ZNF469: variants seen among roughly 807,000 people sequenced by gnomAD.
ZNF469 encodes the protein zinc finger protein 469.
Under a neutral mutation model 1.0 loss-of-function variants are expected in ZNF469, and 1 was observed. That is an observed-to-expected ratio of 1.00 (90% CI 0.35 to 4.73). The LOEUF (loss-of-function observed/expected upper bound fraction) is 4.73. Among genes scored for constraint, ZNF469 ranks in the 30% most tolerant of loss-of-function variants. The pLI is 0.16. For synonymous variants in ZNF469, 2,703 were observed against 2,363.4 expected, an observed-to-expected ratio of 1.14 and a Z score of -4.17; for missense variants, 6,100 against 5,356.3, an observed-to-expected ratio of 1.14 and a Z score of -4.33.
chr16:88,130,339 T>A, the ZNF469 span, among the ~76,000 whole-genome samples: 6 of 152,180 alleles, frequency 3.9e-5, no homozygotes, highest in African/African-American at 1.2e-4. Flanking sequence ...CAAAACGTGA[T>A]ATCGGCGTCC....
chr16:88,396,298 C>T (rs1440845831), intron 1 of ZNF469, among the ~76,000 whole-genome samples: 4 of 152,280 alleles, frequency 2.6e-5, no homozygotes, highest in African/African-American at 9.6e-5. Context: ...TCTCCTGGCT[C>T]TGCTTTTCTG....
At chr16:88,126,816 G>A in the ZNF469 span, among the ~76,000 whole-genome samples, 122,423 of 150,054 alleles carry the variant, frequency 0.82, 50,575 homozygotes, top group Middle Eastern at 0.9. Flanking sequence ...ACCATACCCC[G>A]CTAATTCTTG....
the ZNF469 span, among the ~76,000 whole-genome samples, chr16:88,163,808 G>A: frequency 8.2e-4 from 125 of 152,014 alleles, no homozygotes; most frequent in African/African-American, 2.9e-3. Flanking sequence ...TTGATGAGTG[G>A]ATGGGTGGCT....
chr16:88,198,195 G>A, the ZNF469 span, among the ~76,000 whole-genome samples: 28 of 152,218 alleles, frequency 1.8e-4, no homozygotes, highest in Admixed American at 4.6e-4. Flanking sequence ...GGTGAGATGC[G>A]TGACAGAAGG....
chr16:88,273,013 G>A, the ZNF469 span, among the ~76,000 whole-genome samples: 1 of 150,996 alleles, frequency 6.6e-6, no homozygotes, highest in African/African-American at 2.5e-5. Flanking sequence ...TAGACGAGTG[G>A]ACGGATGGAT....
At position 88,432,376 on chromosome 16, in the gene ZNF469, C is replaced by T; in HGVS notation, c.4906C>T (p.His1636Tyr). The T allele has an allele frequency of 1.3e-6, 2 of 1,549,224 alleles. No homozygotes were observed. Among genetic ancestry groups the T allele is most frequent in the African/African-American group, 1.4e-5 (1 of 73,182 alleles). The change falls in exon 3 of 3, where the codon CAT (histidine) becomes TAT (tyrosine). Residue 1636 changes from histidine (H) to tyrosine (Y), a missense_variant. Coordinates refer to ENST00000565624, the MANE Select transcript of ZNF469 (RefSeq NM_001367624.2). ...CACGCGCGTTGGAGAATCCACTGCACATCGGGAGGGTGCGGAATCGGCTGT... is the reference window on the plus strand; with the variant it reads ...CACGCGCGTTGGAGAATCCACTGCATATCGGGAGGGTGCGGAATCGGCTGT... ...DLTRVGESTA[H>Y]REGAESAVAT...
chr16:88,198,946 T>C, the ZNF469 span, among the ~76,000 whole-genome samples: 836 of 152,338 alleles, frequency 5.5e-3, 13 homozygotes, highest in African/African-American at 0.019. Flanking sequence ...GGGCGGCTGC[T>C]TGACAAGACG....
the ZNF469 span, among the ~76,000 whole-genome samples, chr16:88,163,672 G>T: frequency 6.6e-6 from 1 of 151,134 alleles, no homozygotes; most frequent in South Asian, 2.1e-4. Context: ...GTAGATGGGT[G>T]GGCAGATATA....
chr16:88,353,731 G>T, the ZNF469 span, among the ~76,000 whole-genome samples: 1 of 152,236 alleles, frequency 6.6e-6, no homozygotes, highest in African/African-American at 2.4e-5. Flanking sequence ...GCTATGGATT[G>T]AAATGAGGTC....
intron 1 of ZNF469, among the ~76,000 whole-genome samples, chr16:88,413,500 CTG>C (rs1256631042): frequency 6.6e-6 from 1 of 152,262 alleles, no homozygotes; most frequent in Non-Finnish European, 1.5e-5. Context: ...GCCCTGGGCT[CTG>C]TGGCAGCCCT....
the ZNF469 span, among the ~76,000 whole-genome samples, chr16:88,316,418 C>G: frequency 2.6e-5 from 4 of 152,186 alleles, no homozygotes; most frequent in African/African-American, 9.7e-5. Flanking sequence ...GGGAGTAACA[C>G]TCCTTCCGGG....
chr16:88,231,175 C>A, the ZNF469 span, among the ~76,000 whole-genome samples: 1 of 152,128 alleles, frequency 6.6e-6, no homozygotes, highest in South Asian at 2.1e-4. This position sits in a 1 kb window ranked among gnomAD's most constrained non-coding sequence, Gnocchi z 4.5. Context: ...TGGGGGACTT[C>A]CAGGATAGCA....
At chr16:88,109,454 A>G in the ZNF469 span, among the ~76,000 whole-genome samples, 1 of 152,206 alleles carries the variant, frequency 6.6e-6, no homozygotes, top group African/African-American at 2.4e-5. Context: ...GGATCAGGCA[A>G]AGCTGGGCAT....
At chr16:88,143,348 C>G in the ZNF469 span, among the ~76,000 whole-genome samples, 3 of 152,236 alleles carry the variant, frequency 2.0e-5, no homozygotes, top group African/African-American at 7.2e-5. Flanking sequence ...GGAGGCACCA[C>G]TCAGAGCGGG....
chr16:88,305,479 C>T, the ZNF469 span, among the ~76,000 whole-genome samples: 1 of 150,718 alleles, frequency 6.6e-6, no homozygotes, highest in Non-Finnish European at 1.5e-5. Context: ...CTCACACGTG[C>T]ACACATGGTC....
At chr16:88,125,960 G>C in the ZNF469 span, among the ~76,000 whole-genome samples, 6 of 151,788 alleles carry the variant, frequency 4.0e-5, no homozygotes, top group African/African-American at 1.5e-4. Context: ...AGGCCAATGC[G>C]GGTGGATTGC....
chr16:88,122,559 C>T, the ZNF469 span, among the ~76,000 whole-genome samples: 2 of 151,944 alleles, frequency 1.3e-5, no homozygotes, highest in Non-Finnish European at 2.9e-5. Context: ...TCAGATGGCA[C>T]TCTGTCACTC....
At chr16:88,387,699 C>T (rs1328222480) in intron 1 of ZNF469, among the ~76,000 whole-genome samples, 1 of 152,180 alleles carries the variant, frequency 6.6e-6, no homozygotes, top group Non-Finnish European at 1.5e-5. Context: ...GCGAGGAGAG[C>T]CCGCAGGCCA....
the ZNF469 span, among the ~76,000 whole-genome samples, chr16:88,369,238 A>G: frequency 6.6e-6 from 1 of 152,266 alleles, no homozygotes; most frequent in Non-Finnish European, 1.5e-5. Context: ...CACGCTGGGG[A>G]ATAAACCCCT....
Sources: gnomAD v4.1 joint callset for allele counts (sites outside exome capture counted in the v4.1 genomes callset) on GRCh38, gnomAD v4.1.1 for gene constraint, Gnocchi (gnomAD v3.1) non-coding constraint, MANE v1.5 for transcripts, NCBI Gene and HGNC (gene_info 2026-07-23, HGNC 2026-07-21) for gene names.